The following PLPP1 variants were observed in gnomAD, a reference collection of about 807,000 sequenced individuals.
PLPP1 encodes lipid phosphate phosphohydrolase 1a.
Under a neutral mutation model 31.2 loss-of-function variants are expected in PLPP1, and 24 were observed. That is an observed-to-expected ratio of 0.77 (90% CI 0.56 to 1.08). PLPP1 has a LOEUF of 1.08. Ranked by LOEUF, PLPP1 falls within the 50% of genes least tolerant of loss-of-function variation. The pLI, the probability that PLPP1 is intolerant of heterozygous loss-of-function variation, is 0.00. For synonymous variants in PLPP1, 146 were observed against 126.3 expected (o/e 1.16, Z -1.05); for missense variants, 319 against 342.7 (o/e 0.93, Z 0.55).
chr5:55,487,777 C>T (rs1752804383), intron 1 of PLPP1, among the ~76,000 whole-genome samples: 1 of 152,100 alleles, frequency 6.6e-6, no homozygotes, highest in African/African-American at 2.4e-5. Flanking sequence ...CCTTCCTGCA[C>T]ATTCAAGCAC....
intron 1 of PLPP1, among the ~76,000 whole-genome samples, chr5:55,523,452 C>T (rs1292776648): frequency 2.0e-5 from 3 of 152,078 alleles, no homozygotes; most frequent in Non-Finnish European, 4.4e-5. Flanking sequence ...ATGCACTTCC[C>T]AATTCCTGAC....
intron 3 of PLPP1, among the ~76,000 whole-genome samples, chr5:55,445,222 C>T (rs544661812): frequency 3.8e-4 from 58 of 152,266 alleles, no homozygotes; most frequent in African/African-American, 1.3e-3. Flanking sequence ...TGAGTTCCCT[C>T]CTCGACTGAG....
At chr5:55,451,143 G>A (rs1441557447) in intron 3 of PLPP1, among the ~76,000 whole-genome samples, 2 of 152,180 alleles carry the variant, frequency 1.3e-5, no homozygotes, top group Non-Finnish European at 2.9e-5. Context: ...AGCCTTAGCT[G>A]GTGCAGTAGC....
At chr5:55,499,593 T>C (rs1474034790) in intron 1 of PLPP1, among the ~76,000 whole-genome samples, 1 of 152,112 alleles carries the variant, frequency 6.6e-6, no homozygotes, top group Non-Finnish European at 1.5e-5. Context: ...AGGTTTGCTT[T>C]ATAACTAAAA....
chr5:55,500,077 A>ATTTT lies in PLPP1; in HGVS notation c.59-24631_59-24628dup, dbSNP rs72040194. Among the ~76,000 whole-genome samples, 9 of 112,480 alleles carry ATTTT rather than the reference A, an allele frequency of 8.0e-5. No individual in the cohort carries two copies. In the South Asian group the frequency reaches 1.5e-3, roughly 18 times the overall value. The allele number at this position is 112,480 out of a possible 152,430, so 73.8% of individuals were successfully genotyped here. A position where few individuals can be genotyped will look rare whatever the true frequency, so the allele number is the denominator to read the frequency against. On this transcript the variant is annotated intron_variant, in intron 1 of 5. Coordinates refer to ENST00000307259, the MANE Select transcript of PLPP1 (RefSeq NM_003711.4). ...ATGGTATAATTTGATTTCTCTAAAA[A>ATTTT]TTTTTTTTTTTTTTTTTTTTGAGAC...
At chr5:55,520,746 C>A (rs1470098472) in intron 1 of PLPP1, among the ~76,000 whole-genome samples, 1 of 152,202 alleles carries the variant, frequency 6.6e-6, no homozygotes, top group Admixed American at 6.5e-5. Flanking sequence ...TTCCTAAGCA[C>A]CAATATTAGA....
At chr5:55,483,800 A>G (rs956630896) in intron 1 of PLPP1, among the ~76,000 whole-genome samples, 1 of 152,044 alleles carries the variant, frequency 6.6e-6, no homozygotes, top group Non-Finnish European at 1.5e-5. Flanking sequence ...CACATCCCAG[A>G]GTAAAGGAAT....
chr5:55,429,842 T>C (rs141746885), intron 4 of PLPP1, among the ~76,000 whole-genome samples: 38 of 152,156 alleles, frequency 2.5e-4, no homozygotes, highest in Non-Finnish European at 5.0e-4. Flanking sequence ...GTCCTGCAGA[T>C]ACCATCTGGG....
At chr5:55,524,110 T>C (rs6877499) in intron 1 of PLPP1, among the ~76,000 whole-genome samples, 119,522 of 152,142 alleles carry the variant, frequency 0.79, 47,880 homozygotes, top group Middle Eastern at 0.88. Flanking sequence ...GCTCACACAA[T>C]TTTAAAAACA....
intron 3 of PLPP1, among the ~76,000 whole-genome samples, chr5:55,458,045 CAT>C (rs2111757512): frequency 6.6e-6 from 1 of 152,294 alleles, no homozygotes; most frequent in South Asian, 2.1e-4. Flanking sequence ...ATATTAGAGA[CAT>C]AGGCATGGCA....
chr5:55,437,563 A>G (rs933364464), intron 4 of PLPP1, among the ~76,000 whole-genome samples: 27 of 152,132 alleles, frequency 1.8e-4, no homozygotes, highest in African/African-American at 6.0e-4. Flanking sequence ...CTAGACTAAC[A>G]ACAGCAGGCT....
At chr5:55,497,194 G>A (rs973752211) in intron 1 of PLPP1, among the ~76,000 whole-genome samples, 1 of 151,822 alleles carries the variant, frequency 6.6e-6, no homozygotes, top group Non-Finnish European at 1.5e-5. Context: ...GCAACGCCAA[G>A]AAAGAAGAAA....
chr5:55,443,192 A>AAAAAAAATATAT, intron 3 of PLPP1, among the ~76,000 whole-genome samples: 7 of 25,440 alleles, frequency 2.8e-4, no homozygotes, highest in East Asian at 1.5e-3. Flanking sequence ...AAAAAAAAAA[A>AAAAAAAATATAT]ATATATATAT....
intron 1 of PLPP1, among the ~76,000 whole-genome samples, chr5:55,479,796 C>G (rs1420034147): frequency 1.3e-5 from 2 of 152,158 alleles, no homozygotes; most frequent in Admixed American, 6.5e-5. Context: ...AGAGACAAAG[C>G]AAAATCAACT....
intron 4 of PLPP1, among the ~76,000 whole-genome samples, chr5:55,438,629 C>G (rs1376363369): frequency 6.6e-6 from 1 of 152,100 alleles, no homozygotes; most frequent in Admixed American, 6.5e-5. Flanking sequence ...AGGCCAGGCG[C>G]GGTGGCTCAC....
At chr5:55,478,549 A>AGGGTC (rs1165208870) in intron 1 of PLPP1, among the ~76,000 whole-genome samples, 2 of 152,196 alleles carry the variant, frequency 1.3e-5, no homozygotes, top group Non-Finnish European at 2.9e-5. Flanking sequence ...GGGGATAGAA[A>AGGGTC]GGGTCTCTAA....
At chr5:55,444,327 G>A (rs942442019) in intron 3 of PLPP1, among the ~76,000 whole-genome samples, 5 of 151,998 alleles carry the variant, frequency 3.3e-5, no homozygotes, top group Non-Finnish European at 5.9e-5. Flanking sequence ...GTGATCCGTC[G>A]CCCTCGGCCT....
At position 55,501,466 on chromosome 5, in the gene PLPP1, T is replaced by C. The variant is rs556453070; in HGVS notation, c.59-26016A>G. On this transcript the variant is annotated intron_variant, in intron 1 of 5. Transcript: ENST00000307259. ...TCCCTCTCTTGCAACTTTAGAGATC[T>C]ATGATGATTTCCTTAAAAATGTATG... 8.6e-3 allele frequency among the ~76,000 whole-genome samples: 483 copies of C among 56,316 alleles called. 5 individuals carry two copies. In the Middle Eastern group the frequency reaches 0.14, roughly 16 times the overall value. The allele number at this position is 56,316 out of a possible 152,430, so 36.9% of individuals were successfully genotyped here.
chr5:55,426,691 C>T (rs529807522), intron 4 of PLPP1, among the ~76,000 whole-genome samples: 5 of 152,098 alleles, frequency 3.3e-5, no homozygotes, highest in Admixed American at 1.3e-4. Flanking sequence ...TACAGACATG[C>T]GCCACCATGC....
Sources: gnomAD v4.1 joint callset for allele counts (sites outside exome capture counted in the v4.1 genomes callset) on GRCh38, gnomAD v4.1.1 for gene constraint, MANE v1.5 for transcripts, NCBI Gene and HGNC (gene_info 2026-07-23, HGNC 2026-07-21) for gene names.